The following ANKS3 variants were observed in gnomAD, a reference collection of about 807,000 sequenced individuals.
ANKS3 encodes the protein ankyrin repeat and sterile alpha motif domain containing 3, also known as ankyrin repeat and SAM domain-containing protein 3.
In ANKS3, 62 loss-of-function variants were observed where a neutral mutation model predicts 80.7. The observed-to-expected ratio is 0.77, with a 90% CI of 0.63 to 0.95. The LOEUF is 0.95. Among genes scored for constraint, ANKS3 ranks in the 40% least tolerant of loss-of-function variants. The pLI, the probability that ANKS3 is intolerant of heterozygous loss-of-function variation, is 0.00. For synonymous variants in ANKS3, 489 were observed against 355.3 expected (o/e 1.38, Z -4.23); for missense variants, 1,150 against 883.6 (o/e 1.30, Z -3.82).
At position 4,721,938 on chromosome 16, in the gene ANKS3, G is replaced by A. The variant is rs990200363; in HGVS notation, c.573+2812C>T. ...GGAGCGAGACAATGCACCTGGCCCC[G>A]TCTCTTTATACACCAATATAGAAAA... On this transcript the variant is annotated intron_variant, in intron 6 of 17. Transcript: ENST00000304283. 6.0e-5 allele frequency among the ~76,000 whole-genome samples: 9 copies of A among 151,192 alleles called. 1 individual carries two copies. Among genetic ancestry groups the A allele is most frequent in the South Asian group, 4.2e-4 (2 of 4,756 alleles).
In ANKS3 at chr16:4,701,837, G is replaced by A. The variant is rs534927165; in HGVS notation, c.1009+265C>T. On this transcript the variant is annotated intron_variant, in intron 9 of 17. Transcript: ENST00000304283. Reference sequence around the variant, plus strand: ...TGCAGTTATAACAGACATTCCTACTGGGGCCTGCCCTGAAAGCCTCAGGGG... The same window carrying A: ...TGCAGTTATAACAGACATTCCTACTAGGGCCTGCCCTGAAAGCCTCAGGGG... The A allele has an allele frequency of 7.9e-6, 4 of 503,868 alleles. No individual in the cohort carries two copies. The Admixed American group carries it at 1.1e-4, about 14-fold the overall frequency. The allele number at this position is 503,868 out of a possible 1,614,324, so 31.2% of individuals were successfully genotyped here. A position where few individuals can be genotyped will look rare whatever the true frequency, so the allele number is the denominator to read the frequency against.
intron 6 of ANKS3, among the ~76,000 whole-genome samples, chr16:4,723,974 C>G (rs1036721147): frequency 3.9e-5 from 6 of 152,074 alleles, no homozygotes; most frequent in African/African-American, 1.4e-4. Context: ...GCAGGAGGAT[C>G]GCTTGAGCCC....
chr16:4,699,235 T>C (rs1002833327), intron 11 of ANKS3, 59 bp from the exon 12 acceptor site: 1 of 1,585,656 alleles, frequency 6.3e-7, no homozygotes, highest in African/African-American at 1.3e-5. Context: ...GCAGAGACGT[T>C]TTCCTCCACT....
chr16:4,725,411 A>G (rs1353280582), intron 5 of ANKS3, among the ~76,000 whole-genome samples: 3 of 152,180 alleles, frequency 2.0e-5, no homozygotes, highest in Non-Finnish European at 4.4e-5. Flanking sequence ...CCATCTTAAG[A>G]CACACAGTGT....
chr16:4,719,211 G>C (rs1299803588), intron 6 of ANKS3, among the ~76,000 whole-genome samples: 1 of 152,082 alleles, frequency 6.6e-6, no homozygotes, highest in Non-Finnish European at 1.5e-5. Context: ...ATGCGCTTGT[G>C]GTCTCAGCTA....
chr16:4,707,718 A>C (rs180769612), intron 7 of ANKS3, among the ~76,000 whole-genome samples: 2 of 152,250 alleles, frequency 1.3e-5, no homozygotes, highest in Admixed American at 1.3e-4. Flanking sequence ...AAATGAACTA[A>C]GAGTACATAA....
chr16:4,729,141 G>A (rs1448242007), intron 3 of ANKS3, among the ~76,000 whole-genome samples: 1 of 152,192 alleles, frequency 6.6e-6, no homozygotes, highest in Non-Finnish European at 1.5e-5. Flanking sequence ...CCTACTATGG[G>A]CAAGACGCAG....
rs929661074 is a variant in ANKS3, at chr16:4,703,058, C to T, written c.869-816G>A. Reference sequence around the variant, plus strand: ...CATGGGGAACTTACTTTCCTCTTTACGTATTTTCCTAGTTATGGAGAAGTT... The same window carrying T: ...CATGGGGAACTTACTTTCCTCTTTATGTATTTTCCTAGTTATGGAGAAGTT... On this transcript the variant is annotated intron_variant, in intron 8 of 17. Transcript: ENST00000304283. 6.6e-5 allele frequency among the ~76,000 whole-genome samples: 10 copies of T among 152,192 alleles called. No individual in the cohort carries two copies. In the East Asian group the frequency reaches 9.6e-4, roughly 15 times the overall value.
At position 4,727,084 on chromosome 16, in the gene ANKS3, C is replaced by G. The variant is rs2081393308; in HGVS notation, c.264G>C (p.Leu88=). ...YIGHDTIVHL[L]LEAGVSVNVP... ...CATTCACACTCACCCCCGCCTCAAG[C>G]AGCAGGTGCACGATTGTGTCGTGGC... The change falls in exon 4 of 18, where the codon CTG becomes CTC. Residue 88 remains leucine (L), a synonymous_variant. Transcript: ENST00000304283. The G allele has an allele frequency of 3.1e-6, 5 of 1,614,122 alleles. No homozygotes were observed. The highest frequency in any genetic ancestry group is 4.2e-6 in the Non-Finnish European group (5 of 1,180,060).
At chr16:4,723,128 C>A (rs1323870199) in intron 6 of ANKS3, among the ~76,000 whole-genome samples, 1 of 152,172 alleles carries the variant, frequency 6.6e-6, no homozygotes, top group African/African-American at 2.4e-5. Flanking sequence ...TCAGGACCGC[C>A]TGCACTTCCC....
intron 7 of ANKS3, among the ~76,000 whole-genome samples, chr16:4,711,157 G>C (rs574794421): frequency 7.3e-6 from 1 of 137,616 alleles, no homozygotes; most frequent in Admixed American, 7.9e-5. Flanking sequence ...AGGCTGGACT[G>C]CAATGGCACG....
chr16:4,706,062 C>A lies in ANKS3; in HGVS notation c.710-809G>T, dbSNP rs376905430. The stretch of plus-strand genomic sequence containing the variant: ...TATAGGCAGATGCCACCATACCCAG[C>A]TAATTTTTATATTTTAGTAGAGATG... On this transcript the variant is annotated intron_variant, in intron 7 of 17. Transcript: ENST00000304283. Among the ~76,000 whole-genome samples the A allele has an allele frequency of 7.2e-5, 11 of 152,046 alleles. No individual in the cohort carries two copies. In the South Asian group the frequency reaches 2.3e-3, roughly 32 times the overall value.
chr16:4,699,051 C>T lies in ANKS3; in HGVS notation c.1409+1G>A, dbSNP rs750587696. ...GGCCAGAGCGGCCCTTCTGGACGCACGTGATGCCAATTTCCTTCAGGTCGC... is the reference window on the plus strand; with the variant it reads ...GGCCAGAGCGGCCCTTCTGGACGCATGTGATGCCAATTTCCTTCAGGTCGC... On this transcript the variant is annotated splice_donor_variant, in intron 12 of 17. Transcript: ENST00000304283. LOFTEE classifies it high-confidence loss of function. 4.3e-6 allele frequency: 7 copies of T among 1,614,070 alleles called. No individual in the cohort carries two copies. The highest frequency in any genetic ancestry group is 1.1e-5 in the South Asian group (1 of 91,090).
intron 1 of ANKS3, 133 bp downstream of exon 1, chr16:4,733,804 TG>T: frequency 2.2e-6 from 1 of 458,116 alleles, no homozygotes. Flanking sequence ...AATGTGATGC[TG>T]GTGGTAACTG....
chr16:4,696,551 C>G lies in ANKS3; in HGVS notation c.*357G>C, dbSNP rs981662437. On this transcript the variant is annotated 3_prime_UTR_variant, in exon 18 of 18. Coordinates refer to ENST00000304283, the MANE Select transcript of ANKS3 (RefSeq NM_133450.4). ...TTTATTTTCCAAAAAATGGCATTTT[C>G]CAGGTGCCCCAGTCCTCATTCCTAA... is the stretch of plus-strand genomic sequence containing the variant. 8 of 172,554 alleles carry G rather than the reference C, an allele frequency of 4.6e-5. No homozygotes were observed. The highest frequency in any genetic ancestry group is 9.9e-5 in the Non-Finnish European group (8 of 80,728). 10.7% of individuals were successfully genotyped at this position (172,554 alleles called of 1,614,324 possible).
intron 11 of ANKS3, chr16:4,699,473 C>T (rs547135943): frequency 1.4e-4 from 58 of 415,770 alleles, no homozygotes; most frequent in African/African-American, 1.1e-3. Context: ...CTGCTGATCT[C>T]GACAATGCTT....
intron 1 of ANKS3, among the ~76,000 whole-genome samples, chr16:4,733,301 A>AT (rs1006427409): frequency 1.8e-4 from 26 of 144,496 alleles, no homozygotes; most frequent in African/African-American, 5.8e-4. Flanking sequence ...ATTTATTATT[A>AT]TTTTTTTTGA....
At chr16:4,706,983 C>T (rs2080228241) in intron 7 of ANKS3, among the ~76,000 whole-genome samples, 1 of 152,178 alleles carries the variant, frequency 6.6e-6, no homozygotes, top group African/African-American at 2.4e-5. Context: ...CATGACGAGG[C>T]TCAAGCTCTG....
intron 6 of ANKS3, chr16:4,717,580 T>C (rs1412446297): frequency 2.0e-5 from 3 of 152,018 alleles, no homozygotes; most frequent in Non-Finnish European, 4.4e-5. Flanking sequence ...AATTCTAGTT[T>C]AAGTTTGATA....
Sources: allele counts gnomAD v4.1 joint callset (sites outside exome capture counted in the v4.1 genomes callset), GRCh38; gene constraint gnomAD v4.1.1; transcripts MANE v1.5; gene names NCBI Gene and HGNC (gene_info 2026-07-23, HGNC 2026-07-21).